The following ASAP2 variants were observed in gnomAD, a reference collection of about 807,000 sequenced individuals.
ASAP2 encodes ArfGAP with SH3 domain, ankyrin repeat and PH domain 2.
In ASAP2, 45 loss-of-function variants were observed where a neutral mutation model predicts 131.4. The observed-to-expected ratio is 0.34, with a 90% CI of 0.27 to 0.44. The LOEUF (loss-of-function observed/expected upper bound fraction) is 0.44. Ranked by LOEUF, ASAP2 falls within the 20% of genes least tolerant of loss-of-function variation. The pLI is 1.00. For missense variants in ASAP2, 1,011 were observed against 1,297.0 expected, an observed-to-expected ratio of 0.78 and a Z score of 3.39; for synonymous variants, 510 against 503.0, an observed-to-expected ratio of 1.01 and a Z score of -0.19.
intron 27 of ASAP2, among the ~76,000 whole-genome samples, chr2:9,401,899 T>G (rs1229826202): frequency 2.6e-5 from 4 of 152,210 alleles, no homozygotes; most frequent in Non-Finnish European, 5.9e-5. Context: ...CTTTTATCTT[T>G]AAGCATTAGT....
At chr2:9,256,162 C>CAAAAAA (rs71389235) in intron 1 of ASAP2, among the ~76,000 whole-genome samples, 4 of 86,816 alleles carry the variant, frequency 4.6e-5, no homozygotes, top group African/African-American at 7.4e-5. Flanking sequence ...GGGTCCCCTG[C>CAAAAAA]AAAAAAAAAA....
intron 15 of ASAP2, among the ~76,000 whole-genome samples, chr2:9,360,897 G>A (rs888112260): frequency 6.6e-6 from 1 of 152,188 alleles, no homozygotes; most frequent in South Asian, 2.1e-4. Flanking sequence ...CATATGAGCT[G>A]GTAGGAGCCC....
At chr2:9,297,837 G>C (rs1039944062) in intron 3 of ASAP2, among the ~76,000 whole-genome samples, 3 of 152,146 alleles carry the variant, frequency 2.0e-5, no homozygotes, top group Non-Finnish European at 4.4e-5. Context: ...TACACAGCAA[G>C]GTAACCTGTA....
intron 1 of ASAP2, among the ~76,000 whole-genome samples, chr2:9,213,952 C>T (rs1014092571): frequency 1.3e-5 from 2 of 152,134 alleles, no homozygotes; most frequent in African/African-American, 4.8e-5. Flanking sequence ...AGACTGGGGC[C>T]CAGGGAAAGA....
rs536833670 is a variant in ASAP2 at position 9,326,521 on chromosome 2, G to A, written c.601-1305G>A. Among the ~76,000 whole-genome samples, 3 of 152,202 alleles carry A rather than the reference G, an allele frequency of 2.0e-5. No homozygotes were observed. In the East Asian group the frequency reaches 5.8e-4, roughly 29 times the overall value. On this transcript the variant is annotated intron_variant, in intron 6 of 27. Transcript: ENST00000281419. ...TGTAAAAATAGTATATACTTTTAAAGAAAATTGGTTAATATAAGAAAATAT... is the reference window on the plus strand; with the variant it reads ...TGTAAAAATAGTATATACTTTTAAAAAAAATTGGTTAATATAAGAAAATAT...
chr2:9,351,786 CT>C, intron 12 of ASAP2, among the ~76,000 whole-genome samples: 1 of 152,206 alleles, frequency 6.6e-6, no homozygotes, highest in East Asian at 1.9e-4. Flanking sequence ...GTAATTATCA[CT>C]CCACCTCACC....
rs114423764 is a variant in ASAP2 at position 9,366,802 on chromosome 2, G to A, written c.1462-1623G>A. Among the ~76,000 whole-genome samples the A allele has an allele frequency of 5.0e-3, 762 of 152,162 alleles. 4 individuals are homozygous for A. Among genetic ancestry groups the A allele is most frequent in the African/African-American group, 0.018 (727 of 41,490 alleles). ...AGGAAAGCTCATCATCCAGCTATTAGGCTACCCCACATAATTCTTCTGTTT... is the reference window on the plus strand; with the variant it reads ...AGGAAAGCTCATCATCCAGCTATTAAGCTACCCCACATAATTCTTCTGTTT... On this transcript the variant is annotated intron_variant, in intron 15 of 27. Transcript: ENST00000281419.
chr2:9,235,324 C>T (rs1663472071), intron 1 of ASAP2, among the ~76,000 whole-genome samples: 1 of 143,972 alleles, frequency 6.9e-6, no homozygotes, highest in African/African-American at 2.5e-5. Flanking sequence ...GAGTTGTTTT[C>T]TTTTTAAGAG....
intron 11 of ASAP2, among the ~76,000 whole-genome samples, chr2:9,345,703 A>G (rs10186044): frequency 0.9 from 136,978 of 152,180 alleles, 63,087 homozygotes; most frequent in Non-Finnish European, 1. Context: ...AGTGGATGAT[A>G]GTAACCGTCT....
At chr2:9,282,421 G>A (rs1667186045) in intron 2 of ASAP2, among the ~76,000 whole-genome samples, 2 of 152,196 alleles carry the variant, frequency 1.3e-5, no homozygotes, top group African/African-American at 4.8e-5. Context: ...AGTGTCTTTA[G>A]AACTCTTTAG....
intron 1 of ASAP2, among the ~76,000 whole-genome samples, chr2:9,258,211 C>T (rs1401898678): frequency 2.0e-5 from 3 of 149,172 alleles, no homozygotes; most frequent in Admixed American, 6.7e-5. Flanking sequence ...TGGGGGCTCA[C>T]GCCTGGCTGG....
Position 9,323,208 on chromosome 2 carries a change from G to A in ASAP2, c.558G>A (p.Glu186=). The A allele has an allele frequency of 6.2e-7, 1 of 1,614,274 alleles. No homozygotes were observed. The part of the protein sequence containing the change: ...TEISGAEIAE[E]MEKERRFFQL... ...TAAGCGGAGCGGAAATTGCCGAAGA[G>A]ATGGAAAAGGAGAGGCGCTTCTTCC... Residue 186 remains glutamate (E), a synonymous_variant, in exon 6 of 28, where the codon GAG becomes GAA. Coordinates refer to ENST00000281419, the MANE Select transcript of ASAP2 (RefSeq NM_003887.3).
At chr2:9,216,470 T>A (rs1213387862) in intron 1 of ASAP2, among the ~76,000 whole-genome samples, 10 of 141,908 alleles carry the variant, frequency 7.0e-5, no homozygotes, top group Non-Finnish European at 1.5e-4. Context: ...TTTTTTTTTT[T>A]TTTTTTTTGA....
intron 6 of ASAP2, among the ~76,000 whole-genome samples, chr2:9,323,730 C>T (rs944687977): frequency 6.6e-6 from 1 of 152,114 alleles, no homozygotes; most frequent in African/African-American, 2.4e-5. Context: ...CCTGCTCAGG[C>T]GGGGGCACTC....
chr2:9,239,759 C>T (rs1663813877), intron 1 of ASAP2, among the ~76,000 whole-genome samples: 2 of 151,974 alleles, frequency 1.3e-5, no homozygotes, highest in South Asian at 2.1e-4. Context: ...GATGAGGCCT[C>T]ACTGTGTCGC....
intron 1 of ASAP2, among the ~76,000 whole-genome samples, chr2:9,252,476 C>T (rs552482999): frequency 5.3e-5 from 8 of 152,086 alleles, no homozygotes; most frequent in South Asian, 2.1e-4. Context: ...CAGGAGGCTA[C>T]GGCAGGAGAA....
intron 1 of ASAP2, among the ~76,000 whole-genome samples, chr2:9,213,370 G>A (rs371494207): frequency 1.7e-4 from 26 of 152,330 alleles, no homozygotes; most frequent in African/African-American, 6.0e-4. Flanking sequence ...AGAGGGGTGG[G>A]CAGTGCCAGG....
Position 9,374,951 on chromosome 2 carries a change from G to A in ASAP2, c.1746+7G>A. 1 of 1,573,658 alleles carries A rather than the reference G, an allele frequency of 6.4e-7. No homozygotes were observed. The highest frequency in any genetic ancestry group is 8.6e-7 in the Non-Finnish European group (1 of 1,164,068). On this transcript the variant is annotated splice_region_variant and intron_variant, in intron 17 of 27. Transcript: ENST00000281419. Reference sequence around the variant, plus strand: ...CCCACTGGCCAACGGACATGTAAGAGTGTGGGTTGTTGCTACTTTAAAAAA... The same window carrying A: ...CCCACTGGCCAACGGACATGTAAGAATGTGGGTTGTTGCTACTTTAAAAAA...
At chr2:9,258,243 T>TC (rs1665301918) in intron 1 of ASAP2, among the ~76,000 whole-genome samples, 1 of 81,164 alleles carries the variant, frequency 1.2e-5, no homozygotes, top group Admixed American at 1.1e-4. Context: ...ATACTTCATC[T>TC]CAAAAAAAAA....
Sources: gnomAD v4.1 joint callset for allele counts (sites outside exome capture counted in the v4.1 genomes callset) on GRCh38, gnomAD v4.1.1 for gene constraint, MANE v1.5 for transcripts, NCBI Gene and HGNC (gene_info 2026-07-23, HGNC 2026-07-21) for gene names.